IL1RAPL1: variants seen among roughly 807,000 people sequenced by gnomAD.
IL1RAPL1 encodes interleukin-1 receptor accessory protein-like 1.
In IL1RAPL1, 3 loss-of-function variants were observed where a neutral mutation model predicts 48.4. The ratio of observed to expected loss-of-function variants is 0.06; its 90% CI spans 0.03 to 0.16. The LOEUF is 0.16. Among genes scored for constraint, IL1RAPL1 ranks in the 10% least tolerant of loss-of-function variants. IL1RAPL1 has a pLI of 1.00. For missense variants in IL1RAPL1, 349 were observed against 530.6 expected (o/e 0.66, Z 3.36); for synonymous variants, 185 against 187.7 (o/e 0.99, Z 0.12).
At chrX:28,911,921 G>A (rs1359647525) in intron 2 of IL1RAPL1, among the ~76,000 whole-genome samples, 1 of 106,979 alleles carries the variant, frequency 9.3e-6, no homozygotes, top group African/African-American at 3.4e-5. Context: ...TTGTCAGGTT[G>A]TAATGTGTAG....
At chrX:28,965,147 G>C (rs886226894) in intron 2 of IL1RAPL1, among the ~76,000 whole-genome samples, 1 of 111,610 alleles carries the variant, frequency 9.0e-6, no homozygotes, top group African/African-American at 3.2e-5. Context: ...CTTAGGAAAT[G>C]CTCATTCCCC....
At chrX:29,480,878 T>A (rs1935035649) in intron 5 of IL1RAPL1, among the ~76,000 whole-genome samples, 1 of 111,555 alleles carries the variant, frequency 9.0e-6, no homozygotes, top group South Asian at 3.8e-4. Flanking sequence ...TGAATGAAAA[T>A]GCCATTTTTA....
At chrX:29,502,169 T>C (rs1292208781) in intron 5 of IL1RAPL1, among the ~76,000 whole-genome samples, 1 of 111,453 alleles carries the variant, frequency 9.0e-6, no homozygotes, top group African/African-American at 3.3e-5. Context: ...ATTTATTTGG[T>C]TTTTTTGTAT....
chrX:29,609,882 A>T (rs961946508), intron 5 of IL1RAPL1, among the ~76,000 whole-genome samples: 6 of 111,969 alleles, frequency 5.4e-5, no homozygotes, highest in Non-Finnish European at 9.4e-5. Context: ...CCAGGTGTCA[A>T]GAACCTCCCA....
At chrX:29,203,097 A>G (rs73631639) in intron 2 of IL1RAPL1, among the ~76,000 whole-genome samples, 8,978 of 111,486 alleles carry the variant, frequency 0.081, 304 homozygotes, top group South Asian at 0.2. Flanking sequence ...ACTAGGTGAG[A>G]GGATTTTTAA....
chrX:29,860,365 T>A (rs1601855268), intron 6 of IL1RAPL1, among the ~76,000 whole-genome samples: 1 of 110,953 alleles, frequency 9.0e-6, no homozygotes, highest in African/African-American at 3.3e-5. Flanking sequence ...TAGAATTAAA[T>A]TTTTTTTTAT....
intron 3 of IL1RAPL1, among the ~76,000 whole-genome samples, chrX:29,373,033 A>G (rs971196756): frequency 1.8e-5 from 2 of 111,097 alleles, no homozygotes; most frequent in African/African-American, 6.6e-5. Context: ...TACTTTAACA[A>G]TATTGATTCT....
intron 6 of IL1RAPL1, among the ~76,000 whole-genome samples, chrX:29,704,024 G>A (rs1927123909): frequency 9.0e-6 from 1 of 111,242 alleles, no homozygotes; most frequent in African/African-American, 3.3e-5. Context: ...CTAGGCTCAA[G>A]CGATCCTCCC....
chrX:29,273,290 G>A (rs183133276), intron 2 of IL1RAPL1, among the ~76,000 whole-genome samples: 23 of 111,532 alleles, frequency 2.1e-4, no homozygotes, highest in South Asian at 3.7e-4. Context: ...TTGAAGTTGC[G>A]TCCTTTGAAT....
chrX:29,839,880 C>T (rs373933508), intron 6 of IL1RAPL1, among the ~76,000 whole-genome samples: 21 of 112,111 alleles, frequency 1.9e-4, no homozygotes, highest in Middle Eastern at 4.2e-3. Flanking sequence ...GTGATCACGC[C>T]GCACCACTGC....
intron 5 of IL1RAPL1, among the ~76,000 whole-genome samples, chrX:29,516,046 G>C (rs767026385): frequency 3.6e-5 from 4 of 111,730 alleles, no homozygotes; most frequent in African/African-American, 9.7e-5. Context: ...CTGATTTTCA[G>C]TGTTTTATGA....
chrX:28,640,805 T>A (rs1934529222), intron 1 of IL1RAPL1, among the ~76,000 whole-genome samples: 1 of 110,854 alleles, frequency 9.0e-6, no homozygotes, highest in Non-Finnish European at 1.9e-5. Context: ...ATCCTTCCAA[T>A]AAGCAAAATT....
At chrX:28,774,938 G>A (rs1256187876) in intron 1 of IL1RAPL1, among the ~76,000 whole-genome samples, 1 of 111,561 alleles carries the variant, frequency 9.0e-6, no homozygotes, top group Non-Finnish European at 1.9e-5. Context: ...CATACCCGAT[G>A]TATTAGTAAC....
chrX:29,565,384 G>A (rs1423247567), intron 5 of IL1RAPL1, among the ~76,000 whole-genome samples: 1 of 109,569 alleles, frequency 9.1e-6, no homozygotes, highest in Non-Finnish European at 1.9e-5. Context: ...CAACTAGTGA[G>A]TGTGTAAAAG....
chrX:29,739,783 G>A (rs751738619), intron 6 of IL1RAPL1, among the ~76,000 whole-genome samples: 1 of 110,813 alleles, frequency 9.0e-6, no homozygotes. Context: ...TGGGTCCACC[G>A]CGTGGTGGCT....
intron 5 of IL1RAPL1, among the ~76,000 whole-genome samples, chrX:29,451,662 A>G (rs1934681994): frequency 1.8e-5 from 2 of 111,364 alleles, no homozygotes; most frequent in South Asian, 7.5e-4. Flanking sequence ...ATGCATATAT[A>G]TATGTATATT....
chrX:29,036,365 G>C (rs1191975899), intron 2 of IL1RAPL1, among the ~76,000 whole-genome samples: 1 of 112,412 alleles, frequency 8.9e-6, no homozygotes, highest in Non-Finnish European at 1.9e-5. Flanking sequence ...ATTTAAAACA[G>C]TTAAGAATCT....
chrX:29,740,228 T>C (rs1371629943), intron 6 of IL1RAPL1, among the ~76,000 whole-genome samples: 2 of 110,760 alleles, frequency 1.8e-5, no homozygotes, highest in Non-Finnish European at 3.8e-5. Flanking sequence ...TAATGTGATA[T>C]AGTAAGTACT....
intron 5 of IL1RAPL1, among the ~76,000 whole-genome samples, chrX:29,619,294 A>G (rs923029315): frequency 9.0e-6 from 1 of 111,715 alleles, no homozygotes; most frequent in African/African-American, 3.2e-5. Context: ...TAATTACAGT[A>G]ACTATTCTTA....
Sources: allele counts gnomAD v4.1 joint callset (sites outside exome capture counted in the v4.1 genomes callset), GRCh38; gene constraint gnomAD v4.1.1; transcripts MANE v1.5; gene names NCBI Gene and HGNC (gene_info 2026-07-23, HGNC 2026-07-21).